The following RASGRF2 variants were observed in gnomAD, a reference collection of about 807,000 sequenced individuals.
RASGRF2 encodes Ras protein specific guanine nucleotide releasing factor 2, also known as ras-specific guanine nucleotide-releasing factor 2.
Under a neutral mutation model 151.0 loss-of-function variants are expected in RASGRF2, and 76 were observed. The observed-to-expected ratio is 0.50, with a 90% CI of 0.42 to 0.61. RASGRF2 has a LOEUF of 0.61. Among genes scored for constraint, RASGRF2 ranks in the 20% least tolerant of loss-of-function variants. RASGRF2 has a pLI of 0.00. For synonymous variants in RASGRF2, 504 were observed against 566.5 expected (o/e 0.89, Z 1.57); for missense variants, 1,148 against 1,564.6 (o/e 0.73, Z 4.49).
intron 15 of RASGRF2, among the ~76,000 whole-genome samples, chr5:81,116,154 C>T (rs1018732615): frequency 1.6e-5 from 2 of 124,568 alleles, no homozygotes; most frequent in African/African-American, 5.9e-5. Context: ...ACAATCTTGA[C>T]TCACTGCAAC....
chr5:81,225,333 G>A (rs1321030348), intron 26 of RASGRF2, among the ~76,000 whole-genome samples: 3 of 152,118 alleles, frequency 2.0e-5, no homozygotes, highest in Non-Finnish European at 2.9e-5. Context: ...AGAGATGAAA[G>A]CAGAATAAAA....
intron 1 of RASGRF2, among the ~76,000 whole-genome samples, chr5:80,968,374 C>A (rs1747792109): frequency 6.6e-6 from 1 of 150,954 alleles, no homozygotes; most frequent in African/African-American, 2.4e-5. Flanking sequence ...TTTTGTTAGA[C>A]CACTTTAAAG....
In RASGRF2 at chr5:81,024,445, A is replaced by C. The variant is rs561458374; in HGVS notation, c.289-18432A>C. On this transcript the variant is annotated intron_variant, in intron 1 of 26. Coordinates refer to ENST00000265080, the MANE Select transcript of RASGRF2 (RefSeq NM_006909.3). ...AGGCTAATTTTTGTATTTTTAGTAG[A>C]GATGGGGTTTCACTATGTTGGCCAG... Among the ~76,000 whole-genome samples the C allele has an allele frequency of 4.1e-3, 619 of 151,636 alleles. 1 individual carries two copies. Among genetic ancestry groups the C allele is most frequent in the Non-Finnish European group, 7.1e-3 (479 of 67,886 alleles).
chr5:81,197,658 G>A (rs564359841), intron 18 of RASGRF2, among the ~76,000 whole-genome samples: 5 of 151,962 alleles, frequency 3.3e-5, no homozygotes, highest in South Asian at 4.2e-4. Context: ...TACCTGATTC[G>A]TTGCAATTAA....
chr5:81,016,692 A>T (rs144284403), intron 1 of RASGRF2, among the ~76,000 whole-genome samples: 1 of 152,220 alleles, frequency 6.6e-6, no homozygotes, highest in Admixed American at 6.5e-5. Context: ...AAAAATAGAA[A>T]TAAAGGAAGA....
intron 18 of RASGRF2, among the ~76,000 whole-genome samples, chr5:81,195,640 G>A (rs1215475995): frequency 2.0e-5 from 3 of 150,956 alleles, no homozygotes; most frequent in Admixed American, 6.6e-5. Context: ...GGTGGACCCC[G>A]GGCCAGCAGC....
chr5:81,194,580 C>G (rs886847645), intron 18 of RASGRF2, among the ~76,000 whole-genome samples: 2 of 152,164 alleles, frequency 1.3e-5, no homozygotes, highest in Admixed American at 1.3e-4. Context: ...CTGGCATCAT[C>G]GGTGGACAGT....
At chr5:81,173,862 C>T (rs1186650423) in intron 17 of RASGRF2, among the ~76,000 whole-genome samples, 1 of 152,188 alleles carries the variant, frequency 6.6e-6, no homozygotes, top group Non-Finnish European at 1.5e-5. Flanking sequence ...ATAGAGAAAA[C>T]TTCACGAGAG....
chr5:81,079,881 T>C (rs1471359230), intron 5 of RASGRF2, among the ~76,000 whole-genome samples: 1 of 152,132 alleles, frequency 6.6e-6, no homozygotes, highest in East Asian at 1.9e-4. Flanking sequence ...ATGAAGAAGG[T>C]TATGTGACAA....
chr5:81,193,193 T>C (rs1380823627), intron 18 of RASGRF2, among the ~76,000 whole-genome samples: 1 of 152,244 alleles, frequency 6.6e-6, no homozygotes, highest in African/African-American at 2.4e-5. Flanking sequence ...CCCTTGGCCA[T>C]GTATAGTAAA....
chr5:80,973,149 A>G (rs1005904274), intron 1 of RASGRF2, among the ~76,000 whole-genome samples: 2 of 152,208 alleles, frequency 1.3e-5, no homozygotes, highest in Admixed American at 6.5e-5. Flanking sequence ...TAGAAAGTGC[A>G]GGAACTGGGC....
At chr5:81,074,796 G>A (rs1751888112) in intron 5 of RASGRF2, among the ~76,000 whole-genome samples, 1 of 152,220 alleles carries the variant, frequency 6.6e-6, no homozygotes, top group South Asian at 2.1e-4. Context: ...AAGGCTTGAA[G>A]TTCCTGGAGG....
intron 17 of RASGRF2, among the ~76,000 whole-genome samples, chr5:81,177,233 T>C (rs1321493662): frequency 6.6e-6 from 1 of 152,208 alleles, no homozygotes; most frequent in Admixed American, 6.5e-5. Flanking sequence ...TGTTATATTT[T>C]ACTCAGAATT....
intron 2 of RASGRF2, among the ~76,000 whole-genome samples, chr5:81,052,338 G>A (rs575951580): frequency 6.2e-4 from 94 of 152,176 alleles, no homozygotes; most frequent in African/African-American, 2.1e-3. Flanking sequence ...TATTTTGCCT[G>A]CTTTTATATT....
chr5:81,197,594 A>G (rs1389813772), intron 18 of RASGRF2, among the ~76,000 whole-genome samples: 3 of 152,018 alleles, frequency 2.0e-5, no homozygotes, highest in Admixed American at 6.5e-5. Context: ...TTGTGAAATT[A>G]TGATCTTGTT....
chr5:81,113,420 G>A, intron 14 of RASGRF2, 118 bp from the exon 15 acceptor site: 1 of 1,217,810 alleles, frequency 8.2e-7, no homozygotes, highest in Non-Finnish European at 1.1e-6. Flanking sequence ...CGGAAGTCCA[G>A]CAATAGAAGT....
chr5:80,999,036 C>G (rs973437288), intron 1 of RASGRF2, among the ~76,000 whole-genome samples: 2 of 152,154 alleles, frequency 1.3e-5, no homozygotes, highest in Non-Finnish European at 2.9e-5. Flanking sequence ...TGTACTATCT[C>G]TTTTTCTTTT....
intron 1 of RASGRF2, among the ~76,000 whole-genome samples, chr5:80,968,829 G>A (rs1478786371): frequency 6.6e-6 from 1 of 151,960 alleles, no homozygotes; most frequent in Non-Finnish European, 1.5e-5. Flanking sequence ...GACTACAAAT[G>A]TGTGCCACCA....
At chr5:81,006,150 T>C (rs1749262135) in intron 1 of RASGRF2, among the ~76,000 whole-genome samples, 1 of 152,226 alleles carries the variant, frequency 6.6e-6, no homozygotes. Flanking sequence ...ATTGTATGGC[T>C]ATAGAACCAA....
Sources: gnomAD v4.1 joint callset for allele counts (sites outside exome capture counted in the v4.1 genomes callset) on GRCh38, gnomAD v4.1.1 for gene constraint, MANE v1.5 for transcripts, NCBI Gene and HGNC (gene_info 2026-07-23, HGNC 2026-07-21) for gene names.